Variants in MKI67 observed in about 807,000 individuals in gnomAD.
The protein encoded by MKI67 is marker of proliferation Ki-67, also known as proliferation marker protein Ki-67.
Under a neutral mutation model 233.5 loss-of-function variants are expected in MKI67, and 152 were observed. The ratio of observed to expected loss-of-function variants is 0.65; its 90% CI spans 0.57 to 0.74. The LOEUF (loss-of-function observed/expected upper bound fraction) is 0.74. Ranked by LOEUF, MKI67 falls within the 30% of genes least tolerant of loss-of-function variation. MKI67 has a pLI of 0.00. For synonymous variants in MKI67, 1,465 were observed against 1,418.5 expected (o/e 1.03, Z -0.74); for missense variants, 3,940 against 3,885.2 (o/e 1.01, Z -0.37).
rs61729193 is a variant in MKI67, at chr10:128,106,424, G to C, written c.5416C>G (p.Leu1806Val). ...NTFLGTPVQKLDQPGNLPGSN... is the reference protein window; with the variant it reads ...NTFLGTPVQKVDQPGNLPGSN... ...CCAGGTAAATTTCCTGGCTGGTCCA[G>C]TTTCTGCACTGGAGTTCCCAAAAAC... Residue 1806 changes from leucine to valine, a missense_variant, in exon 13 of 15, where the codon CTG becomes GTG. Physicochemically the swap from Leu to Val is conservative, Grantham distance 32. Transcript: ENST00000368654. 2.0e-3 allele frequency: 3,173 copies of C among 1,613,172 alleles called. 43 individuals carry two copies. The African/African-American group carries it at 0.035, about 18-fold the overall frequency.
chr10:128,103,883 T>G lies in MKI67; in HGVS notation c.7957A>C (p.Lys2653Gln). Residue 2653 changes from lysine (K) to glutamine (Q), a missense_variant, in exon 13 of 15, where the codon AAA (lysine) becomes CAA (glutamine). Transcript: ENST00000368654. The part of the protein sequence containing the change: ...IKVLKQRAKK[K>Q]PNPVEEEPSR... ...GGTTCCTCTTCTACTGGGTTTGGTT[T>G]CTTCTTTGCACGTTGCTTCAATACT... The G allele has an allele frequency of 6.2e-7, 1 of 1,613,950 alleles. No homozygotes were observed. The highest frequency in any genetic ancestry group is 8.5e-7 in the Non-Finnish European group (1 of 1,180,002).
rs555780520 is a variant in MKI67 at position 128,101,888 on chromosome 10, G to A, written c.9262-187C>T. On this transcript the variant is annotated intron_variant, in intron 13 of 14. Coordinates refer to ENST00000368654, the MANE Select transcript of MKI67 (RefSeq NM_002417.5). ...AATGCCTTGGTACTTTGCTCCTATG[G>A]AGAAATGACTGTCTCTGCTGACAAA... 4.6e-5 allele frequency among the ~76,000 whole-genome samples: 7 copies of A among 152,276 alleles called. No homozygotes were observed. The South Asian group carries it at 8.3e-4, about 18-fold the overall frequency.
rs751399433 is a variant in MKI67, at chr10:128,102,813, G to C, written c.9027C>G (p.Thr3009=). 2 of 1,614,078 alleles carry C rather than the reference G, an allele frequency of 1.2e-6. No individual in the cohort carries two copies. Among genetic ancestry groups the C allele is most frequent in the Non-Finnish European group, 1.7e-6 (2 of 1,180,052 alleles). Residue 3009 remains threonine (T), a synonymous_variant, in exon 13 of 15, where the codon ACC becomes ACG. Coordinates refer to ENST00000368654, the MANE Select transcript of MKI67 (RefSeq NM_002417.5). ...GTGCTGGCATGCAGCGCAGCCTCTT[G>C]GTTCCCGTGACGCTTCCATCTTTGC... ...GGGKDGSVTG[T]KRLRCMPAPE...
chr10:128,118,288 C>A (rs987315180), intron 5 of MKI67, among the ~76,000 whole-genome samples: 2 of 150,380 alleles, frequency 1.3e-5, no homozygotes, highest in East Asian at 3.9e-4. Flanking sequence ...CCCAGCTACT[C>A]GGGAGGCTGA....
chr10:128,115,888 T>C lies in MKI67; in HGVS notation c.520A>G (p.Ser174Gly). ...EDSTADDSKD[S>G]VAQGTTNVHS... Reference sequence around the variant, plus strand: ...ACATTAGTTGTTCCCTGAGCAACACTGTCTTTTGAGTCATCTGCGGTACTG... The same window carrying C: ...ACATTAGTTGTTCCCTGAGCAACACCGTCTTTTGAGTCATCTGCGGTACTG... Residue 174 changes from serine (S) to glycine (G), a missense_variant, in exon 7 of 15, where the codon AGT becomes GGT. Coordinates refer to ENST00000368654, the MANE Select transcript of MKI67 (RefSeq NM_002417.5). 6 of 1,609,798 alleles carry C rather than the reference T, an allele frequency of 3.7e-6. No homozygotes were observed. The highest frequency in any genetic ancestry group is 5.1e-6 in the Non-Finnish European group (6 of 1,180,034).
chr10:128,115,517 A>G lies in MKI67; in HGVS notation c.891T>C (p.Gly297=), dbSNP rs1182686400. ...GCTCTGCCACAGCGTGGCCGCTCCC[A>G]CCAGATTTTGGTCTTGACTTACGCG... is the stretch of plus-strand genomic sequence containing the variant. ...LVSRKSRPKS[G]GSGHAVAEPA... The change falls in exon 7 of 15, where the codon GGT becomes GGC. Residue 297 remains glycine (G), a synonymous_variant. Transcript: ENST00000368654. 3 of 1,614,186 alleles carry G rather than the reference A, an allele frequency of 1.9e-6. No individual in the cohort carries two copies. The highest frequency in any genetic ancestry group is 2.5e-6 in the Non-Finnish European group (3 of 1,180,040).
chr10:128,110,863 A>G (rs1470382310), intron 11 of MKI67, among the ~76,000 whole-genome samples: 1 of 152,240 alleles, frequency 6.6e-6, no homozygotes, highest in Non-Finnish European at 1.5e-5. Flanking sequence ...TGAGACCCAT[A>G]GGCCTCCCTG....
At position 128,098,982 on chromosome 10, in the gene MKI67, G is replaced by A. The variant is rs775718347; in HGVS notation, c.*208C>T. 4.7e-5 allele frequency: 20 copies of A among 423,676 alleles called. No homozygotes were observed. The South Asian group carries it at 5.4e-4, about 11-fold the overall frequency. The allele number at this position is 423,676 out of a possible 1,614,324, so 26.2% of individuals were successfully genotyped here. A position where few individuals can be genotyped will look rare whatever the true frequency, so the allele number is the denominator to read the frequency against. ...GCCCAGACTCCTTCACAAAGCCCCC[G>A]GTGTTCAACTATTCTCAGTCCAGGA... is the stretch of plus-strand genomic sequence containing the variant. On this transcript the variant is annotated 3_prime_UTR_variant, in exon 15 of 15. Transcript: ENST00000368654.
rs764155314 is a variant in MKI67 at position 128,107,946 on chromosome 10, C to T, written c.3894G>A (p.Thr1298=). 4.4e-5 allele frequency: 71 copies of T among 1,613,204 alleles called. No individual in the cohort carries two copies. Among genetic ancestry groups the T allele is most frequent in the African/African-American group, 1.9e-4 (14 of 74,596 alleles). Residue 1298 remains threonine (T), a synonymous_variant, in exon 13 of 15, where the codon ACG becomes ACA. Transcript: ENST00000368654. ...TCTCTTCACCTACTGATGGTTTAGG[C>T]GTGTGCATGGCTTTGCCTGCTGATG... ...LMPSAGKAMH[T]PKPSVGEEKD...
chr10:128,111,862 C>A, intron 10 of MKI67, 46 bp from the exon 11 acceptor site: 1 of 1,608,406 alleles, frequency 6.2e-7, no homozygotes, highest in Non-Finnish European at 8.5e-7. Flanking sequence ...AAGCATAAAT[C>A]CACACTGAAT....
Position 128,108,243 on chromosome 10 carries a change from G to GTCCAGTT in MKI67, c.3590_3596dup (p.Asp1199GlufsTer19). On this transcript the variant is annotated frameshift_variant, in exon 13 of 15. Coordinates refer to ENST00000368654, the MANE Select transcript of MKI67 (RefSeq NM_002417.5). LOFTEE classifies it high-confidence loss of function. Reference sequence around the variant, plus strand: ...TGCTGCCAGGTAAAGTTCCTGCCAGGTCCAGTTTCTGCACTGGAGTTCCCA... The same window carrying GTCCAGTT: ...TGCTGCCAGGTAAAGTTCCTGCCAGGTCCAGTTTCCAGTTTCTGCACTGGAGTTCCCA... 1 of 1,613,392 alleles carries GTCCAGTT rather than the reference G, an allele frequency of 6.2e-7. No homozygotes were observed. The highest frequency in any genetic ancestry group is 8.5e-7 in the Non-Finnish European group (1 of 1,179,890).
Position 128,105,835 on chromosome 10 carries a change from G to A in MKI67, c.6005C>T (p.Ser2002Phe). 1 of 1,614,086 alleles carries A rather than the reference G, an allele frequency of 6.2e-7. No homozygotes were observed. The highest frequency in any genetic ancestry group is 2.2e-5 in the East Asian group (1 of 44,876). ...TTCTTTCACACCTACTTTCCCCAAG[G>A]ATATCTTGAGTCGTTGCTTGGAGCT... The part of the protein sequence containing the change: ...PTSSKQRLKI[S>F]LGKVGVKEEV... Residue 2002 changes from serine (S) to phenylalanine (F), a missense_variant, in exon 13 of 15, where the codon TCC becomes TTC. Coordinates refer to ENST00000368654, the MANE Select transcript of MKI67 (RefSeq NM_002417.5).
At chr10:128,120,527 A>C (rs956314360) in intron 4 of MKI67, among the ~76,000 whole-genome samples, 4 of 152,096 alleles carry the variant, frequency 2.6e-5, no homozygotes, top group African/African-American at 4.8e-5. Flanking sequence ...AAGAAAAAGA[A>C]AAAAAGAAAA....
At chr10:128,122,386 T>G (rs1402087004) in intron 4 of MKI67, among the ~76,000 whole-genome samples, 2 of 152,176 alleles carry the variant, frequency 1.3e-5, no homozygotes, top group African/African-American at 2.4e-5. Flanking sequence ...TTCATTGCCT[T>G]TTTAAATGCC....
At position 128,112,321 on chromosome 10, in the gene MKI67, T is replaced by G. The variant is rs1322425700; in HGVS notation, c.1781A>C (p.Gln594Pro). ...GGCTGTTTTGCAGGACCTACGGCGT[T>G]GATCACTGGCAACTGGAGTTTTCCT... ...SPRKTPVASD[Q>P]RRRSCKTAPA... Residue 594 changes from glutamine (Q) to proline (P), a missense_variant, in exon 9 of 15, where the codon CAA becomes CCA. Transcript: ENST00000368654. The G allele has an allele frequency of 6.2e-6, 10 of 1,614,086 alleles. No individual in the cohort carries two copies. The highest frequency in any genetic ancestry group is 3.3e-5 in the South Asian group (3 of 91,092).
chr10:128,122,751 T>C (rs943433823), intron 4 of MKI67, 130 bp downstream of exon 4: 6 of 508,638 alleles, frequency 1.2e-5, no homozygotes, highest in African/African-American at 1.2e-4. Flanking sequence ...TTAAGATTAG[T>C]GTTGAGAATG....
rs776812993 is a variant in MKI67, at chr10:128,125,626, C to T, written c.42G>A (p.Gly14=). ...TCAGGGGAAAGTGGGGACCGTCGACCCCGCTCCTTTTGATAGTAACCAGGC... is the reference window on the plus strand; with the variant it reads ...TCAGGGGAAAGTGGGGACCGTCGACTCCGCTCCTTTTGATAGTAACCAGGC... ...TRRLVTIKRS[G]VDGPHFPLSL... The change falls in exon 2 of 15, where the codon GGG becomes GGA. Residue 14 remains glycine, a synonymous_variant. Transcript: ENST00000368654. The surrounding 1 kb of genome is among the most constrained non-coding windows in gnomAD (Gnocchi z 5.3). 1 of 1,613,690 alleles carries T rather than the reference C, an allele frequency of 6.2e-7. No homozygotes were observed. The highest frequency in any genetic ancestry group is 8.5e-7 in the Non-Finnish European group (1 of 1,179,876).
In MKI67 at chr10:128,096,817, C is replaced by G. The variant is rs890199512; in HGVS notation, c.*2373G>C. 2 of 152,260 alleles carry G rather than the reference C, an allele frequency of 1.3e-5. No homozygotes were observed. The highest frequency in any genetic ancestry group is 4.8e-5 in the African/African-American group (2 of 41,466). The allele number at this position is 152,260 out of a possible 1,614,324, so 9.4% of individuals were successfully genotyped here. ...AATTAGTGGCTTAGTTTCCACAACA[C>G]TACGTGCTACAAAGAGGTACAGAAC... On this transcript the variant is annotated 3_prime_UTR_variant, in exon 15 of 15. Coordinates refer to ENST00000368654, the MANE Select transcript of MKI67 (RefSeq NM_002417.5).
intron 2 of MKI67, among the ~76,000 whole-genome samples, chr10:128,124,859 C>CT (rs1853021603): frequency 6.6e-6 from 1 of 151,756 alleles, no homozygotes; most frequent in Non-Finnish European, 1.5e-5. Context: ...TGAACAAAGG[C>CT]TTGGAATGCC....
Sources: gnomAD v4.1 joint callset for allele counts (sites outside exome capture counted in the v4.1 genomes callset) on GRCh38, gnomAD v4.1.1 for gene constraint, Gnocchi (gnomAD v3.1) non-coding constraint, MANE v1.5 for transcripts, NCBI Gene and HGNC (gene_info 2026-07-23, HGNC 2026-07-21) for gene names.